The following ADRA1B variants were observed in gnomAD, a reference collection of about 807,000 sequenced individuals.
ADRA1B encodes the protein alpha-1B adrenergic receptor.
A neutral mutation model predicts 17.9 loss-of-function variants in ADRA1B; 17 were observed. The observed-to-expected ratio is 0.95, with a 90% CI of 0.65 to 1.42. The LOEUF (loss-of-function observed/expected upper bound fraction) is 1.42, where lower values mean the gene tolerates loss of function less well. Among genes scored for constraint, ADRA1B ranks in the 40% most tolerant of loss-of-function variants. ADRA1B has a pLI of 0.00. For synonymous variants in ADRA1B, 366 were observed against 327.6 expected, an observed-to-expected ratio of 1.12 and a Z score of -1.27; for missense variants, 681 against 722.1, an observed-to-expected ratio of 0.94 and a Z score of 0.65.
intron 1 of ADRA1B, among the ~76,000 whole-genome samples, chr5:159,957,929 C>CAAAAAAAAAAAAAAAAAAAAA (rs35956137): frequency 1.3e-4 from 9 of 66,854 alleles, no homozygotes; most frequent in East Asian, 3.6e-4. Flanking sequence ...AACCCCATCT[C>CAAAAAAAAAAAAAAAAAAAAA]AAAAAAAAAA....
intron 1 of ADRA1B, among the ~76,000 whole-genome samples, chr5:159,959,864 C>T (rs910801643): frequency 4.6e-5 from 7 of 151,310 alleles, no homozygotes; most frequent in Admixed American, 4.6e-4. Context: ...GCCTTCCCCA[C>T]CCCAGAAGTA....
At chr5:159,983,282 T>C in the ADRA1B span, among the ~76,000 whole-genome samples, 1 of 152,176 alleles carries the variant, frequency 6.6e-6, no homozygotes, top group African/African-American at 2.4e-5. Context: ...TCCAGGGCTG[T>C]GATCTGTCCA....
chr5:159,979,863 G>A, the ADRA1B span, among the ~76,000 whole-genome samples: 135 of 151,036 alleles, frequency 8.9e-4, 3 homozygotes, highest in Non-Finnish European at 6.9e-4. Flanking sequence ...GCAAGACTCC[G>A]TCAAAAGAAA....
chr5:159,917,175 C>T lies in ADRA1B; in HGVS notation c.270C>T (p.Ala90=), dbSNP rs1754339057. 2.5e-6 allele frequency: 4 copies of T among 1,614,046 alleles called. No homozygotes were observed. Among genetic ancestry groups the T allele is most frequent in the South Asian group, 1.1e-5 (1 of 91,088 alleles). ...ACTTCATTGTCAACCTGGCCATGGC[C>T]GACCTGCTGTTGAGCTTCACCGTCC... ...TNYFIVNLAM[A]DLLLSFTVLP... Residue 90 remains alanine, a synonymous_variant, in exon 1 of 2, where the codon GCC becomes GCT. Coordinates refer to ENST00000306675, the MANE Select transcript of ADRA1B (RefSeq NM_000679.4).
chr5:159,940,952 A>T (rs997986339), intron 1 of ADRA1B, among the ~76,000 whole-genome samples: 1 of 152,218 alleles, frequency 6.6e-6, no homozygotes, highest in Non-Finnish European at 1.5e-5. Context: ...ATGTGGTACA[A>T]TTCTGATTTA....
At position 159,972,537 on chromosome 5, in the gene ADRA1B, G is replaced by A. The variant is rs539624929; in HGVS notation, c.*45G>A. ...CTTTCCCTGGGGAGGAAAACATCGT[G>A]GGGGGGAGGGGAGGGCGGGGCGGAG... On this transcript the variant is annotated 3_prime_UTR_variant, in exon 2 of 2. Transcript: ENST00000306675. 7.4e-6 allele frequency: 8 copies of A among 1,078,004 alleles called. No homozygotes were observed. The highest frequency in any genetic ancestry group is 4.8e-5 in the South Asian group (2 of 42,012). 66.8% of individuals were successfully genotyped at this position (1,078,004 alleles called of 1,614,324 possible).
chr5:159,960,735 C>A (rs1755651710), intron 1 of ADRA1B, among the ~76,000 whole-genome samples: 1 of 149,356 alleles, frequency 6.7e-6, no homozygotes, highest in Non-Finnish European at 1.5e-5. Flanking sequence ...AAAGCAGATT[C>A]TGATGCACTG....
At position 159,917,715 on chromosome 5, in the gene ADRA1B, CA is replaced by C; in HGVS notation, c.812del (p.Lys271ArgfsTer9). ...AGGACACCCTTAGCAGTACCAAGGC[CA>C]AGGGCCACAACCCCAGGAGTTCCAT... ...HEDTLSSTKA[K>X]GHNPRSSIAV... On this transcript the variant is annotated frameshift_variant, in exon 1 of 2. Transcript: ENST00000306675. LOFTEE classifies it high-confidence loss of function. The C allele has an allele frequency of 6.2e-7, 1 of 1,614,066 alleles. No individual in the cohort carries two copies. The highest frequency in any genetic ancestry group is 8.5e-7 in the Non-Finnish European group (1 of 1,180,034).
At chr5:159,866,491 G>A (rs57449604) in intron 1 of ADRA1B, among the ~76,000 whole-genome samples, 31,141 of 151,228 alleles carry the variant, frequency 0.21, 4,212 homozygotes, top group East Asian at 0.49. Flanking sequence ...GGAGGCTGAG[G>A]CAGGAGAATC....
chr5:159,985,850 G>A, the ADRA1B span, among the ~76,000 whole-genome samples: 1 of 152,192 alleles, frequency 6.6e-6, no homozygotes, highest in Non-Finnish European at 1.5e-5. Flanking sequence ...AGGCACTGTG[G>A]GACCTGAAGG....
chr5:159,927,775 T>C (rs1754703431), intron 1 of ADRA1B, among the ~76,000 whole-genome samples: 1 of 152,050 alleles, frequency 6.6e-6, no homozygotes, highest in African/African-American at 2.4e-5. Context: ...AGACGTCCAA[T>C]AGTACACCAG....
chr5:159,983,570 G>A, the ADRA1B span, among the ~76,000 whole-genome samples: 4 of 152,198 alleles, frequency 2.6e-5, no homozygotes, highest in African/African-American at 4.8e-5. Flanking sequence ...CTTCATCACC[G>A]TCTTAGCCGT....
chr5:159,946,569 G>A (rs1366483561), intron 1 of ADRA1B, among the ~76,000 whole-genome samples: 1 of 152,174 alleles, frequency 6.6e-6, no homozygotes, highest in Non-Finnish European at 1.5e-5. Context: ...CATATTCTCA[G>A]TCTTGCTTAT....
downstream of ADRA1B, among the ~76,000 whole-genome samples, chr5:159,973,076 C>T (rs1561613617): frequency 6.6e-6 from 1 of 152,210 alleles, no homozygotes; most frequent in African/African-American, 2.4e-5. Flanking sequence ...CCTTCCGCTT[C>T]GGATTTGACC....
the ADRA1B span, among the ~76,000 whole-genome samples, chr5:159,981,706 C>T: frequency 6.6e-6 from 1 of 152,128 alleles, no homozygotes; most frequent in African/African-American, 2.4e-5. Context: ...CCACGTTAGC[C>T]AGGATGGTCT....
At chr5:159,898,614 G>A (rs1185885453) in intron 1 of ADRA1B, among the ~76,000 whole-genome samples, 1 of 152,206 alleles carries the variant, frequency 6.6e-6, no homozygotes, top group Non-Finnish European at 1.5e-5. Context: ...ATTATTGGCA[G>A]TCACTATCTA....
intron 1 of ADRA1B, among the ~76,000 whole-genome samples, chr5:159,923,794 C>G (rs1260564354): frequency 5.9e-5 from 9 of 152,272 alleles, no homozygotes; most frequent in Non-Finnish European, 1.0e-4. Flanking sequence ...GCATCAGATT[C>G]TCTCCTTGTA....
chr5:159,886,934 A>G (rs1753931755), intron 1 of ADRA1B, among the ~76,000 whole-genome samples: 1 of 152,198 alleles, frequency 6.6e-6, no homozygotes, highest in African/African-American at 2.4e-5. Context: ...TATAGTATCT[A>G]GCACCTAGTA....
upstream of ADRA1B, among the ~76,000 whole-genome samples, chr5:159,914,520 A>G (rs1053289311): frequency 1.6e-4 from 25 of 152,304 alleles, no homozygotes; most frequent in African/African-American, 5.3e-4. Context: ...AGCTTAGGGC[A>G]ATTTAATTAT....
Sources: gnomAD v4.1 joint callset for allele counts (sites outside exome capture counted in the v4.1 genomes callset) on GRCh38, gnomAD v4.1.1 for gene constraint, MANE v1.5 for transcripts, NCBI Gene and HGNC (gene_info 2026-07-23, HGNC 2026-07-21) for gene names.